Variants in MAN1A1 observed in about 807,000 individuals in gnomAD.
MAN1A1 encodes mannosyl-oligosaccharide 1,2-alpha-mannosidase IA.
A neutral mutation model predicts 70.8 loss-of-function variants in MAN1A1; 29 were observed. The ratio of observed to expected loss-of-function variants is 0.41; its 90% CI spans 0.31 to 0.56. The LOEUF (loss-of-function observed/expected upper bound fraction) is 0.56, where lower values mean the gene tolerates loss of function less well. MAN1A1 is among the 20% of genes least tolerant of loss of function. The pLI is 0.29. For synonymous variants in MAN1A1, 349 were observed against 330.1 expected (o/e 1.06, Z -0.62); for missense variants, 747 against 841.3 (o/e 0.89, Z 1.39).
intron 5 of MAN1A1, among the ~76,000 whole-genome samples, chr6:119,279,759 G>A (rs1471526599): frequency 6.6e-6 from 1 of 152,220 alleles, no homozygotes; most frequent in East Asian, 1.9e-4. Context: ...CTCCCCAAAG[G>A]CCATCTGTCT....
At chr6:119,327,366 A>G (rs938716944) in intron 2 of MAN1A1, 175 of 149,538 alleles carry the variant, frequency 1.2e-3, no homozygotes, top group African/African-American at 4.1e-3. Context: ...GTGCAAATTT[A>G]TGAAGCATTC....
chr6:119,348,372 C>T, intron 2 of MAN1A1, 91 bp downstream of exon 2: 1 of 1,270,936 alleles, frequency 7.9e-7, no homozygotes. Flanking sequence ...CCATACATTG[C>T]ATTGTTGCAG....
chr6:119,275,979 C>T (rs1412501150), intron 5 of MAN1A1, among the ~76,000 whole-genome samples: 1 of 152,126 alleles, frequency 6.6e-6, no homozygotes, highest in Non-Finnish European at 1.5e-5. Context: ...GACGTAATTA[C>T]CCCAGTACTG....
chr6:119,328,191 G>T (rs1773205581), intron 2 of MAN1A1, among the ~76,000 whole-genome samples: 1 of 152,186 alleles, frequency 6.6e-6, no homozygotes, highest in Admixed American at 6.5e-5. Context: ...TGCCCAAGAA[G>T]AACAGTAAGT....
rs541553190 is a variant in MAN1A1, at chr6:119,190,120, T to C, written c.1327-237A>G. On this transcript the variant is annotated intron_variant, in intron 9 of 12. Transcript: ENST00000368468. ...CTGCGCCAGCACATTTGGTTTTGCTTGGTTCTGTGACCAAACATTGTATTC... is the reference window on the plus strand; with the variant it reads ...CTGCGCCAGCACATTTGGTTTTGCTCGGTTCTGTGACCAAACATTGTATTC... Among the ~76,000 whole-genome samples, 11 of 152,352 alleles carry C rather than the reference T, an allele frequency of 7.2e-5. No homozygotes were observed. In the South Asian group the frequency reaches 2.1e-3, roughly 29 times the overall value.
intron 2 of MAN1A1, among the ~76,000 whole-genome samples, chr6:119,347,591 C>T (rs1283117673): frequency 6.6e-6 from 1 of 152,182 alleles, no homozygotes; most frequent in South Asian, 2.1e-4. Context: ...AAGTTCGGAC[C>T]TCGGGCTTCA....
At chr6:119,294,728 G>T (rs925941742) in intron 4 of MAN1A1, among the ~76,000 whole-genome samples, 1 of 152,030 alleles carries the variant, frequency 6.6e-6, no homozygotes, top group Non-Finnish European at 1.5e-5. Flanking sequence ...CTTTCATTTT[G>T]ATTTACTTAT....
chr6:119,184,514 A>C (rs528098635), intron 11 of MAN1A1, among the ~76,000 whole-genome samples: 12 of 152,172 alleles, frequency 7.9e-5, no homozygotes, highest in Non-Finnish European at 1.8e-4. Context: ...TCAAGGATAG[A>C]ACACAGAGAA....
At chr6:119,313,193 C>T (rs1395792758) in intron 2 of MAN1A1, among the ~76,000 whole-genome samples, 2 of 152,178 alleles carry the variant, frequency 1.3e-5, no homozygotes, top group African/African-American at 4.8e-5. Context: ...TGATGTGACT[C>T]CGCCTTCACA....
At chr6:119,227,703 A>C (rs1372635037) in intron 6 of MAN1A1, among the ~76,000 whole-genome samples, 2 of 152,164 alleles carry the variant, frequency 1.3e-5, no homozygotes, top group African/African-American at 4.8e-5. Flanking sequence ...TCCTAGACTC[A>C]AGCTATCTTC....
intron 4 of MAN1A1, among the ~76,000 whole-genome samples, chr6:119,293,881 G>C (rs1041917076): frequency 2.0e-5 from 3 of 152,040 alleles, no homozygotes; most frequent in African/African-American, 7.2e-5. Context: ...TGAGGTCCCA[G>C]ATAACTAATT....
At chr6:119,277,853 C>A (rs1476997346) in intron 5 of MAN1A1, among the ~76,000 whole-genome samples, 1 of 139,546 alleles carries the variant, frequency 7.2e-6, no homozygotes, top group East Asian at 2.3e-4. Context: ...GGGAGAATGG[C>A]ATGAACCTGG....
At chr6:119,258,494 GA>G (rs1324996966) in intron 5 of MAN1A1, among the ~76,000 whole-genome samples, 1 of 152,144 alleles carries the variant, frequency 6.6e-6, no homozygotes, top group Non-Finnish European at 1.5e-5. Flanking sequence ...ATGATTTAAA[GA>G]ATACAGGAGG....
chr6:119,323,558 T>C (rs1032593457), intron 2 of MAN1A1, among the ~76,000 whole-genome samples: 2 of 152,324 alleles, frequency 1.3e-5, no homozygotes, highest in Admixed American at 1.3e-4. Context: ...GTTTGTGTCT[T>C]GTGATTTTCA....
At chr6:119,319,379 A>ATAG (rs1459124428) in intron 2 of MAN1A1, among the ~76,000 whole-genome samples, 1 of 149,312 alleles carries the variant, frequency 6.7e-6, no homozygotes, top group African/African-American at 2.5e-5. Context: ...AATAATAATA[A>ATAG]TAATAATAAT....
chr6:119,316,826 C>A (rs926740496), intron 2 of MAN1A1, among the ~76,000 whole-genome samples: 3 of 151,658 alleles, frequency 2.0e-5, no homozygotes, highest in Admixed American at 6.6e-5. Flanking sequence ...ACTAGTATTA[C>A]TAGTAGTTAA....
chr6:119,311,311 T>G (rs185505288), intron 2 of MAN1A1, among the ~76,000 whole-genome samples: 7 of 152,196 alleles, frequency 4.6e-5, no homozygotes, highest in Non-Finnish European at 1.0e-4. Context: ...GACAAATATA[T>G]GTGAAACCAG....
intron 2 of MAN1A1, among the ~76,000 whole-genome samples, chr6:119,341,848 G>C (rs1300288234): frequency 6.6e-6 from 1 of 152,188 alleles, no homozygotes; most frequent in Non-Finnish European, 1.5e-5. Flanking sequence ...AGGCATGGTG[G>C]CTCACACCTG....
At chr6:119,205,978 G>GTCC (rs1200554230) in intron 6 of MAN1A1, among the ~76,000 whole-genome samples, 1 of 152,224 alleles carries the variant, frequency 6.6e-6, no homozygotes, top group Non-Finnish European at 1.5e-5. Flanking sequence ...AATGTGTGAA[G>GTCC]AGTTCTCTGA....
Sources: allele counts gnomAD v4.1 joint callset (sites outside exome capture counted in the v4.1 genomes callset), GRCh38; gene constraint gnomAD v4.1.1; transcripts MANE v1.5; gene names NCBI Gene and HGNC (gene_info 2026-07-23, HGNC 2026-07-21).